The following GAD2 variants were observed in gnomAD, a reference collection of about 807,000 sequenced individuals.
The protein encoded by GAD2 is 65 kDa glutamic acid decarboxylase.
In GAD2, 22 loss-of-function variants were observed where a neutral mutation model predicts 80.1. That is an observed-to-expected ratio of 0.27 (90% CI 0.20 to 0.39). The LOEUF (loss-of-function observed/expected upper bound fraction) is 0.39, where lower values mean the gene tolerates loss of function less well. GAD2 is among the 10% of genes least tolerant of loss of function. The probability of loss-of-function intolerance (pLI) is 1.00; values close to 1 mark genes in which losing one functional copy is unlikely to be tolerated. For synonymous variants in GAD2, 274 were observed against 256.9 expected (o/e 1.07, Z -0.64); for missense variants, 624 against 738.4 (o/e 0.85, Z 1.80).
intron 11 of GAD2, among the ~76,000 whole-genome samples, chr10:26,277,512 T>G (rs546944856): frequency 3.2e-4 from 49 of 152,294 alleles, no homozygotes; most frequent in African/African-American, 1.1e-3. Context: ...CAATGTGATC[T>G]CACCTGTGTT....
In GAD2 at chr10:26,292,957, A is replaced by G; in HGVS notation, c.1550A>G (p.Glu517Gly). The change falls in exon 15 of 16, where the codon GAA (glutamate) becomes GGA (glycine). Residue 517 changes from glutamate to glycine, a missense_variant. Glu to Gly is a moderately conservative substitution (Grantham distance 98). Coordinates refer to ENST00000376261, the MANE Select transcript of GAD2 (RefSeq NM_001134366.2). ...ATTCCTCCAAGCTTGCGTACTCTGG[A>G]AGACAATGAAGAGAGAATGAGTCGC... is the stretch of plus-strand genomic sequence containing the variant. ...WYIPPSLRTLEDNEERMSRLS... is the reference protein window; with the variant it reads ...WYIPPSLRTLGDNEERMSRLS... The G allele has an allele frequency of 6.2e-7, 1 of 1,613,876 alleles. No homozygotes were observed. Among genetic ancestry groups the G allele is most frequent in the Non-Finnish European group, 8.5e-7 (1 of 1,179,890 alleles).
chr10:26,246,089 C>T (rs796833082), intron 8 of GAD2, 89 bp downstream of exon 8: 34 of 1,023,758 alleles, frequency 3.3e-5, no homozygotes, highest in African/African-American at 2.7e-4. Flanking sequence ...GAGAGGACCA[C>T]GGGGCAGCAA....
intron 4 of GAD2, among the ~76,000 whole-genome samples, chr10:26,223,425 T>C (rs1844478314): frequency 6.6e-6 from 1 of 152,170 alleles, no homozygotes; most frequent in African/African-American, 2.4e-5. Context: ...GCGGATGTCA[T>C]GGTATGACCG....
At chr10:26,293,500 A>G (rs1177638374) in intron 15 of GAD2, among the ~76,000 whole-genome samples, 7 of 152,050 alleles carry the variant, frequency 4.6e-5, no homozygotes, top group Non-Finnish European at 1.0e-4. Context: ...TAACAACTCT[A>G]TTTGCTTGTT....
intron 8 of GAD2, among the ~76,000 whole-genome samples, chr10:26,262,921 T>C (rs557590768): frequency 6.6e-6 from 1 of 151,764 alleles, no homozygotes; most frequent in African/African-American, 2.4e-5. Context: ...GGAGGAGTAA[T>C]GTGAGGTGGT....
intron 13 of GAD2, among the ~76,000 whole-genome samples, 193 bp from the exon 14 acceptor site, chr10:26,292,272 G>A (rs888937442): frequency 6.6e-6 from 1 of 152,184 alleles, no homozygotes; most frequent in East Asian, 1.9e-4. Flanking sequence ...AGTAATGAAA[G>A]GGAACAAAAG....
chr10:26,293,918 A>C (rs1433016731), intron 15 of GAD2, among the ~76,000 whole-genome samples: 1 of 152,214 alleles, frequency 6.6e-6, no homozygotes, highest in Non-Finnish European at 1.5e-5. Context: ...CACAGGGAGA[A>C]AATGTAACTC....
chr10:26,259,327 A>C (rs1844981783), intron 8 of GAD2, among the ~76,000 whole-genome samples: 1 of 152,164 alleles, frequency 6.6e-6, no homozygotes, highest in African/African-American at 2.4e-5. Flanking sequence ...AGCAGTACAC[A>C]GGGTTCCAAT....
At chr10:26,258,933 C>T (rs1195929047) in intron 8 of GAD2, among the ~76,000 whole-genome samples, 1 of 152,006 alleles carries the variant, frequency 6.6e-6, no homozygotes, top group East Asian at 1.9e-4. Context: ...CCTGCCTCAG[C>T]CTCCCAAGTA....
chr10:26,284,076 T>G (rs1845301927), intron 12 of GAD2, among the ~76,000 whole-genome samples: 2 of 152,194 alleles, frequency 1.3e-5, no homozygotes, highest in Non-Finnish European at 2.9e-5. Context: ...TAGAAATGAT[T>G]CCTTTATTGA....
intron 8 of GAD2, among the ~76,000 whole-genome samples, chr10:26,249,764 C>T (rs1048476880): frequency 6.6e-6 from 1 of 152,198 alleles, no homozygotes; most frequent in Non-Finnish European, 1.5e-5. Flanking sequence ...TGCCTGAGGA[C>T]ATCTGCCCAT....
intron 11 of GAD2, among the ~76,000 whole-genome samples, chr10:26,276,347 A>G (rs1176253440): frequency 6.6e-6 from 1 of 151,992 alleles, no homozygotes; most frequent in Admixed American, 6.6e-5. Flanking sequence ...ACTCCAGAGC[A>G]TGACTCTGTG....
rs564481006 is a variant in GAD2 at position 26,300,941 on chromosome 10, C to T, written c.1738C>T (p.Arg580Cys). 8.7e-6 allele frequency: 14 copies of T among 1,613,680 alleles called. No individual in the cohort carries two copies. The East Asian group carries it at 8.9e-5, about 10-fold the overall frequency. ...DIDFLIEEIE[R>C]LGQDL Reference sequence around the variant, plus strand: ...TGACTTCCTGATTGAAGAAATAGAACGCCTTGGACAAGATTTATAATAACC... The same window carrying T: ...TGACTTCCTGATTGAAGAAATAGAATGCCTTGGACAAGATTTATAATAACC... Residue 580 changes from arginine to cysteine, a missense_variant, in exon 16 of 16, where the codon CGC becomes TGC. Physicochemically the swap from Arg to Cys is radical, Grantham distance 180 (BLOSUM62 -3). Transcript: ENST00000376261.
intron 7 of GAD2, among the ~76,000 whole-genome samples, chr10:26,235,271 T>C (rs977590051): frequency 1.3e-5 from 2 of 152,214 alleles, no homozygotes; most frequent in Non-Finnish European, 2.9e-5. Context: ...ACTTGGCATG[T>C]TTAGAGCCAT....
chr10:26,296,064 A>G (rs993204918), intron 15 of GAD2, among the ~76,000 whole-genome samples: 2 of 152,156 alleles, frequency 1.3e-5, no homozygotes, highest in African/African-American at 4.8e-5. Flanking sequence ...GGGGAAGTCC[A>G]AGATCAAGGT....
chr10:26,217,708 C>CG lies in GAD2; in HGVS notation c.136+43dup. 1 of 1,606,814 alleles carries CG rather than the reference C, an allele frequency of 6.2e-7. No individual in the cohort carries two copies. The highest frequency in any genetic ancestry group is 8.5e-7 in the Non-Finnish European group (1 of 1,176,218). On this transcript the variant is annotated intron_variant, in intron 2 of 15. Coordinates refer to ENST00000376261, the MANE Select transcript of GAD2 (RefSeq NM_001134366.2). The surrounding 1 kb of genome is among the most constrained non-coding windows in gnomAD (Gnocchi z 4.9). ...GACCGGGGCGGCCAAGGTCGGCCCG[C>CG]GGGGTCCAAGCAGTCTTCTCACCTC... is the stretch of plus-strand genomic sequence containing the variant.
chr10:26,217,169 G>C lies in GAD2; in HGVS notation c.76+284G>C, dbSNP rs966579313. Among the ~76,000 whole-genome samples, 5 of 151,960 alleles carry C rather than the reference G, an allele frequency of 3.3e-5. No individual in the cohort carries two copies. The highest frequency in any genetic ancestry group is 4.8e-5 in the African/African-American group (2 of 41,348). The stretch of plus-strand genomic sequence containing the variant: ...CGGGGACATGGAATTCCGTGGTCCT[G>C]GGGCGCTGCTAAGATCCGGGTGTCT... On this transcript the variant is annotated intron_variant, in intron 1 of 15. Coordinates refer to ENST00000376261, the MANE Select transcript of GAD2 (RefSeq NM_001134366.2). This position sits in a 1 kb window ranked among gnomAD's most constrained non-coding sequence, Gnocchi z 4.9.
intron 15 of GAD2, among the ~76,000 whole-genome samples, chr10:26,299,526 C>T (rs1442820526): frequency 6.6e-6 from 1 of 152,260 alleles, no homozygotes; most frequent in Middle Eastern, 3.4e-3. Flanking sequence ...TAAGTTTTTG[C>T]TTCTTCCTAG....
chr10:26,220,021 C>T (rs1239213423), intron 4 of GAD2, among the ~76,000 whole-genome samples: 2 of 152,118 alleles, frequency 1.3e-5, no homozygotes, highest in Non-Finnish European at 2.9e-5. Context: ...TCTTTATATT[C>T]CATCCATATT....
Sources: allele counts gnomAD v4.1 joint callset (sites outside exome capture counted in the v4.1 genomes callset), GRCh38; gene constraint gnomAD v4.1.1; non-coding constraint Gnocchi (gnomAD v3.1); transcripts MANE v1.5; gene names NCBI Gene and HGNC (gene_info 2026-07-23, HGNC 2026-07-21).